Variants in GAB2 observed in about 807,000 individuals in gnomAD.
GAB2 encodes GRB2 associated binding protein 2, also known as GRB2-associated-binding protein 2.
A neutral mutation model predicts 65.5 loss-of-function variants in GAB2; 26 were observed. That is an observed-to-expected ratio of 0.40 (90% CI 0.29 to 0.55). GAB2 has a LOEUF of 0.55. Among genes scored for constraint, GAB2 ranks in the 20% least tolerant of loss-of-function variants. The pLI, the probability that GAB2 is intolerant of heterozygous loss-of-function variation, is 0.53. For missense variants in GAB2, 884 were observed against 875.8 expected, an observed-to-expected ratio of 1.01 and a Z score of -0.12; for synonymous variants, 321 against 329.6, an observed-to-expected ratio of 0.97 and a Z score of 0.28.
chr11:78,358,117 A>C (rs1856384085), intron 1 of GAB2, among the ~76,000 whole-genome samples: 1 of 152,056 alleles, frequency 6.6e-6, no homozygotes, highest in Non-Finnish European at 1.5e-5. Context: ...ATGCAGCCAT[A>C]AAAAAGGATG....
At chr11:78,403,063 C>T (rs558522607) in intron 1 of GAB2, among the ~76,000 whole-genome samples, 6 of 152,318 alleles carry the variant, frequency 3.9e-5, no homozygotes, top group Admixed American at 2.0e-4. Flanking sequence ...AGTGGGCAAT[C>T]ACCAGACGCT....
intron 2 of GAB2, among the ~76,000 whole-genome samples, chr11:78,266,454 G>C (rs1865879040): frequency 6.6e-6 from 1 of 151,974 alleles, no homozygotes; most frequent in African/African-American, 2.4e-5. Context: ...AGACAAACTT[G>C]AATTTACTGA....
intron 1 of GAB2, among the ~76,000 whole-genome samples, chr11:78,355,409 C>G (rs1856343697): frequency 6.6e-6 from 1 of 152,056 alleles, no homozygotes; most frequent in Admixed American, 6.5e-5. Context: ...TTTGGAAGGC[C>G]AACTCTATTT....
chr11:78,338,420 G>A (rs909900633), intron 1 of GAB2, among the ~76,000 whole-genome samples: 1 of 152,182 alleles, frequency 6.6e-6, no homozygotes, highest in Admixed American at 6.5e-5. Flanking sequence ...TGGGAAGACA[G>A]AAGAAGCATG....
At chr11:78,256,175 G>A (rs959175576) in intron 2 of GAB2, among the ~76,000 whole-genome samples, 3 of 152,184 alleles carry the variant, frequency 2.0e-5, no homozygotes, top group African/African-American at 7.2e-5. Context: ...ATGTCCTGAC[G>A]AATGGATAAA....
chr11:78,289,270 C>T (rs1866581149), intron 1 of GAB2, among the ~76,000 whole-genome samples: 1 of 152,086 alleles, frequency 6.6e-6, no homozygotes, highest in Non-Finnish European at 1.5e-5. Context: ...AAAGAAAAGG[C>T]CTTTTCAAGA....
At chr11:78,359,597 TGGAA>T (rs910131395) in intron 1 of GAB2, among the ~76,000 whole-genome samples, 19 of 152,154 alleles carry the variant, frequency 1.2e-4, no homozygotes, top group African/African-American at 4.6e-4. Flanking sequence ...TAATCCCAGA[TGGAA>T]GGTCTGACAT....
At chr11:78,223,712 A>G (rs1172217003) in intron 5 of GAB2, 36 bp from the exon 6 acceptor site, 3 of 1,525,532 alleles carry the variant, frequency 2.0e-6, no homozygotes, top group Admixed American at 4.0e-5. Flanking sequence ...TACAGCTGTT[A>G]CTAGCAAGAA....
At chr11:78,275,435 T>A (rs1435775582) in intron 2 of GAB2, among the ~76,000 whole-genome samples, 1 of 148,838 alleles carries the variant, frequency 6.7e-6, no homozygotes, top group Admixed American at 6.7e-5. Context: ...AATTCTCAGT[T>A]AAAAAAAAAA....
chr11:78,349,377 TCTTA>T (rs1002158658), intron 1 of GAB2, among the ~76,000 whole-genome samples: 1 of 152,160 alleles, frequency 6.6e-6, no homozygotes, highest in Non-Finnish European at 1.5e-5. Flanking sequence ...TTACAAATCA[TCTTA>T]CTTAATTCTA....
At chr11:78,291,859 C>G (rs1866690665) in intron 1 of GAB2, among the ~76,000 whole-genome samples, 1 of 151,966 alleles carries the variant, frequency 6.6e-6, no homozygotes, top group South Asian at 2.1e-4. Flanking sequence ...CCACTGTACC[C>G]AGCCCCTTAT....
intron 1 of GAB2, among the ~76,000 whole-genome samples, chr11:78,339,117 G>A (rs1856051811): frequency 6.6e-6 from 1 of 151,914 alleles, no homozygotes; most frequent in South Asian, 2.1e-4. Flanking sequence ...GTAGAGATAG[G>A]GATTTGCCAT....
At chr11:78,341,740 CTT>C (rs937399386) in intron 1 of GAB2, 5 of 985,354 alleles carry the variant, frequency 5.1e-6, no homozygotes, top group African/African-American at 3.5e-5. Flanking sequence ...CCGCCATACT[CTT>C]TGTTTCCCAA....
intron 2 of GAB2, among the ~76,000 whole-genome samples, chr11:78,271,298 A>T (rs1407355240): frequency 2.0e-5 from 3 of 152,218 alleles, no homozygotes; most frequent in Non-Finnish European, 4.4e-5. Context: ...AGCTATTTTG[A>T]TTCCAAGAGG....
chr11:78,222,971 A>G (rs1864504377), intron 6 of GAB2, among the ~76,000 whole-genome samples: 1 of 152,172 alleles, frequency 6.6e-6, no homozygotes, highest in Non-Finnish European at 1.5e-5. Flanking sequence ...GCCACAGTGG[A>G]GGAAGGTAGA....
intron 1 of GAB2, among the ~76,000 whole-genome samples, chr11:78,298,859 G>T (rs1565148898): frequency 6.6e-6 from 1 of 152,148 alleles, no homozygotes; most frequent in Non-Finnish European, 1.5e-5. Context: ...CAGTCCCGCA[G>T]GCCCTCCAAA....
At chr11:78,311,765 C>T (rs1439756420) in intron 1 of GAB2, among the ~76,000 whole-genome samples, 5 of 152,110 alleles carry the variant, frequency 3.3e-5, no homozygotes, top group African/African-American at 9.7e-5. Context: ...AGTAGCAAGA[C>T]ACCTAGAAAG....
intron 3 of GAB2, among the ~76,000 whole-genome samples, chr11:78,234,997 G>A (rs956542207): frequency 2.6e-5 from 4 of 152,080 alleles, no homozygotes; most frequent in South Asian, 4.2e-4. Flanking sequence ...GAGACAGAGC[G>A]ACAGACTTTC....
At chr11:78,302,777 C>G (rs1867065119) in intron 1 of GAB2, among the ~76,000 whole-genome samples, 1 of 152,270 alleles carries the variant, frequency 6.6e-6, no homozygotes, top group Non-Finnish European at 1.5e-5. Flanking sequence ...GGAACCATCC[C>G]AAATACCTAT....
Sources: gnomAD v4.1 joint callset for allele counts (sites outside exome capture counted in the v4.1 genomes callset) on GRCh38, gnomAD v4.1.1 for gene constraint, MANE v1.5 for transcripts, NCBI Gene and HGNC (gene_info 2026-07-23, HGNC 2026-07-21) for gene names.